Variants in SAMD14 observed in about 807,000 individuals in gnomAD.
SAMD14 encodes the protein sterile alpha motif domain containing 14.
In SAMD14, 27 loss-of-function variants were observed where a neutral mutation model predicts 46.2. The ratio of observed to expected loss-of-function variants is 0.58; its 90% CI spans 0.43 to 0.81. The LOEUF is 0.81. Ranked by LOEUF, SAMD14 falls within the 30% of genes least tolerant of loss-of-function variation. The probability of loss-of-function intolerance (pLI) is 0.00; values close to 1 mark genes in which losing one functional copy is unlikely to be tolerated. For synonymous variants in SAMD14, 241 were observed against 254.3 expected (o/e 0.95, Z 0.50); for missense variants, 559 against 582.2 (o/e 0.96, Z 0.41).
chr17:50,117,289 A>G, intron 4 of SAMD14, 118 bp downstream of exon 4: 1 of 1,033,336 alleles, frequency 9.7e-7, no homozygotes, highest in Non-Finnish European at 1.2e-6. Context: ...TTTACTCTTC[A>G]CCTCCCCCAG....
At chr17:50,117,009 C>T (rs566947836) in intron 4 of SAMD14, among the ~76,000 whole-genome samples, 3 of 152,206 alleles carry the variant, frequency 2.0e-5, no homozygotes, top group African/African-American at 7.2e-5. Context: ...GTGCATACCA[C>T]GCGGGGCTAA....
chr17:50,126,830 T>C (rs1911798591), intron 1 of SAMD14, among the ~76,000 whole-genome samples: 1 of 151,858 alleles, frequency 6.6e-6, no homozygotes, highest in Admixed American at 6.6e-5. Context: ...CTGGGCGTGA[T>C]AGCTCACGCC....
intron 2 of SAMD14, chr17:50,124,223 C>T: frequency 2.2e-6 from 1 of 455,640 alleles, no homozygotes; most frequent in East Asian, 7.0e-5. Context: ...CTCCAGTCCA[C>T]ACAAGAGAAG....
chr17:50,117,626 C>A lies in SAMD14; in HGVS notation c.280G>T (p.Ala94Ser). Residue 94 changes from alanine to serine, a missense_variant, in exon 4 of 10, where the codon GCC (alanine) becomes TCC (serine). By Grantham distance (99) the Ala-to-Ser change is moderately conservative. Coordinates refer to ENST00000330175, the MANE Select transcript of SAMD14 (RefSeq NM_001257359.2). Reference protein sequence around the residue: ...SPLHSGPGSPAGGSFCLDPPG... With the variant: ...SPLHSGPGSPSGGSFCLDPPG... ...GGATCCAGGCAGAAAGAGCCCCCGG[C>A]CGGGGACCCCGGGCCTGAGTGCAAA... 1 of 1,558,308 alleles carries A rather than the reference C, an allele frequency of 6.4e-7. No individual in the cohort carries two copies. Among genetic ancestry groups the A allele is most frequent in the Non-Finnish European group, 8.6e-7 (1 of 1,162,094 alleles).
At chr17:50,113,204 T>G (rs1325510947) in intron 9 of SAMD14, 156 bp from the exon 10 acceptor site, 1 of 781,348 alleles carries the variant, frequency 1.3e-6, no homozygotes, top group Non-Finnish European at 2.0e-6. Context: ...TGCCCATGGA[T>G]CAGAACCCCC....
intron 7 of SAMD14, chr17:50,114,592 C>T: frequency 1.5e-6 from 1 of 665,922 alleles, no homozygotes; most frequent in Non-Finnish European, 2.5e-6. Context: ...TACAGGCAGA[C>T]CACCGAGATT....
chr17:50,117,978 A>G lies in SAMD14; in HGVS notation c.210+183T>C, dbSNP rs928725921. 3.3e-5 allele frequency: 24 copies of G among 728,570 alleles called. No homozygotes were observed. The African/African-American group carries it at 3.7e-4, about 11-fold the overall frequency. The allele number at this position is 728,570 out of a possible 1,614,324, so 45.1% of individuals were successfully genotyped here. A position where few individuals can be genotyped will look rare whatever the true frequency, so the allele number is the denominator to read the frequency against. On this transcript the variant is annotated intron_variant, in intron 3 of 9. Transcript: ENST00000330175. Reference sequence around the variant, plus strand: ...CCTCAGCTGTAAAATGGGGCTAATAATATCTTCTTTACACAGGATTAAATG... The same window carrying G: ...CCTCAGCTGTAAAATGGGGCTAATAGTATCTTCTTTACACAGGATTAAATG...
chr17:50,118,771 G>A (rs1312050877), intron 2 of SAMD14, among the ~76,000 whole-genome samples: 1 of 152,142 alleles, frequency 6.6e-6, no homozygotes, highest in African/African-American at 2.4e-5. Flanking sequence ...GGATGAGGCT[G>A]GAGAGATGAT....
Position 50,112,150 on chromosome 17 carries a change from C to T in SAMD14, c.*743G>A, listed in dbSNP as rs781703597. 3 of 152,246 alleles carry T rather than the reference C, an allele frequency of 2.0e-5. No individual in the cohort carries two copies. Among genetic ancestry groups the T allele is most frequent in the Non-Finnish European group, 4.4e-5 (3 of 68,120 alleles). 9.4% of individuals were successfully genotyped at this position (152,246 alleles called of 1,614,324 possible). On this transcript the variant is annotated 3_prime_UTR_variant, in exon 10 of 10. Coordinates refer to ENST00000330175, the MANE Select transcript of SAMD14 (RefSeq NM_001257359.2). ...CCTGGCTTGGAGAATGGGTCAAAGACCAGGTCTTGAATGGGCCCTGAGAGG... is the reference window on the plus strand; with the variant it reads ...CCTGGCTTGGAGAATGGGTCAAAGATCAGGTCTTGAATGGGCCCTGAGAGG...
intron 9 of SAMD14, 139 bp from the exon 10 acceptor site, chr17:50,113,187 C>G (rs143373431): frequency 0.011 from 10,329 of 918,774 alleles, 83 homozygotes; most frequent in Non-Finnish European, 0.013. Context: ...CCTCCCACAC[C>G]GTGACCTGCC....
chr17:50,124,759 GCA>G (rs756985763), intron 2 of SAMD14, among the ~76,000 whole-genome samples, 156 bp downstream of exon 2: 4 of 63,058 alleles, frequency 6.3e-5, no homozygotes, highest in African/African-American at 2.3e-4. Flanking sequence ...CTGCACGCGT[GCA>G]CGCGCGCGCG....
At chr17:50,121,469 C>CTGGCT (rs1170714676) in intron 2 of SAMD14, among the ~76,000 whole-genome samples, 2 of 152,064 alleles carry the variant, frequency 1.3e-5, no homozygotes, top group African/African-American at 4.8e-5. Context: ...AGGTGTGTGC[C>CTGGCT]ACCACACCTG....
At chr17:50,114,332 T>G in intron 7 of SAMD14, 26 bp from the exon 8 acceptor site, 1 of 1,614,010 alleles carries the variant, frequency 6.2e-7, no homozygotes, top group Non-Finnish European at 8.5e-7. Context: ...TGCATGCCAC[T>G]GAGGAGAGTT....
Position 50,112,251 on chromosome 17 carries a change from C to T in SAMD14, c.*642G>A, listed in dbSNP as rs534755609. ...GGGAGAGGGAGAAGGGGATGTTCAT[C>T]CTCCCCTCTTGAGTCCTGGCAAAGA... is the stretch of plus-strand genomic sequence containing the variant. On this transcript the variant is annotated 3_prime_UTR_variant, in exon 10 of 10. Coordinates refer to ENST00000330175, the MANE Select transcript of SAMD14 (RefSeq NM_001257359.2). 1 of 152,294 alleles carries T rather than the reference C, an allele frequency of 6.6e-6. No homozygotes were observed. Among genetic ancestry groups the T allele is most frequent in the African/African-American group, 2.4e-5 (1 of 41,508 alleles). The allele number at this position is 152,294 out of a possible 1,614,324, so 9.4% of individuals were successfully genotyped here.
chr17:50,111,120 GCGGTGCCC>G lies in SAMD14; in HGVS notation c.*1765_*1772del, dbSNP rs1910813299. 1 of 152,360 alleles carries G rather than the reference GCGGTGCCC, an allele frequency of 6.6e-6. No individual in the cohort carries two copies. The allele number at this position is 152,360 out of a possible 1,614,324, so 9.4% of individuals were successfully genotyped here. A position where few individuals can be genotyped will look rare whatever the true frequency, so the allele number is the denominator to read the frequency against. ...ACGTGCGCACGTACACACGCACACT[GCGGTGCCC>G]TGTGACCACCACATGACGCACCGGG... On this transcript the variant is annotated 3_prime_UTR_variant, in exon 10 of 10. Transcript: ENST00000330175.
At chr17:50,114,104 G>C (rs766122306) in intron 8 of SAMD14, 25 bp from the exon 9 acceptor site, 2 of 1,613,670 alleles carry the variant, frequency 1.2e-6, no homozygotes, top group Non-Finnish European at 1.7e-6. Context: ...AGGAGAGTGA[G>C]GGGGAGGCTT....
Position 50,112,877 on chromosome 17 carries a change from G to A in SAMD14, c.*16C>T, listed in dbSNP as rs374189035. On this transcript the variant is annotated 3_prime_UTR_variant, in exon 10 of 10. Coordinates refer to ENST00000330175, the MANE Select transcript of SAMD14 (RefSeq NM_001257359.2). ...GTGGCTGCCCCTGCCGGGTGCCAGC[G>A]CCTGTGCACCCTCCCCTAGCTCTTC... 4.7e-5 allele frequency: 75 copies of A among 1,594,294 alleles called. No individual in the cohort carries two copies. The highest frequency in any genetic ancestry group is 9.4e-5 in the African/African-American group (7 of 74,376).
In SAMD14 at chr17:50,117,697, T is replaced by C. The variant is rs1186151639; in HGVS notation, c.211-2A>G. ...GGGGCTCCCGCAGCCATCGGTCACC[T>C]GGACGAGGGGGCAGCCGCTCACCGA... is the stretch of plus-strand genomic sequence containing the variant. On this transcript the variant is annotated splice_acceptor_variant, in intron 3 of 9. Coordinates refer to ENST00000330175, the MANE Select transcript of SAMD14 (RefSeq NM_001257359.2). LOFTEE classifies it high-confidence loss of function. 2 of 1,442,022 alleles carry C rather than the reference T, an allele frequency of 1.4e-6. No homozygotes were observed. Among genetic ancestry groups the C allele is most frequent in the Non-Finnish European group, 1.8e-6 (2 of 1,103,474 alleles). 89.3% of individuals were successfully genotyped at this position (1,442,022 alleles called of 1,614,324 possible).
chr17:50,118,838 A>G (rs985596760), intron 2 of SAMD14, among the ~76,000 whole-genome samples: 2 of 152,238 alleles, frequency 1.3e-5, no homozygotes, highest in African/African-American at 4.8e-5. Flanking sequence ...GTGTACATAC[A>G]TCATCTCTCA....
Sources: allele counts gnomAD v4.1 joint callset (sites outside exome capture counted in the v4.1 genomes callset), GRCh38; gene constraint gnomAD v4.1.1; transcripts MANE v1.5; gene names NCBI Gene and HGNC (gene_info 2026-07-23, HGNC 2026-07-21).